OR10J1: variants seen among roughly 807,000 people sequenced by gnomAD.
The protein encoded by OR10J1 is olfactory receptor family 10 subfamily J member 1.
For synonymous variants in OR10J1, 202 were observed against 143.8 expected (o/e 1.40, Z -2.89); for missense variants, 474 against 376.6 (o/e 1.26, Z -2.14).
chr1:159,439,878 C>G lies in OR10J1; in HGVS notation c.87C>G (p.Gly29=), dbSNP rs116409990. ...ATGAGCAGCAGATCACCCTTTTTGG[C>G]GTGTTCCTTGCACTATACATCTTAA... ...SFHEQQITLF[G]VFLALYILTL... is the part of the protein sequence containing the mutation. The change falls in exon 1 of 1, where the codon GGC becomes GGG. Residue 29 remains glycine (G), a synonymous_variant. Coordinates refer to ENST00000423932, the MANE Select transcript of OR10J1 (RefSeq NM_012351.3). 1.9e-6 allele frequency: 3 copies of G among 1,614,024 alleles called. No individual in the cohort carries two copies. The highest frequency in any genetic ancestry group is 3.3e-5 in the Admixed American group (2 of 59,990).
At chr1:159,412,707 A>C in the OR10J1 span, among the ~76,000 whole-genome samples, 1 of 152,034 alleles carries the variant, frequency 6.6e-6, no homozygotes, top group Non-Finnish European at 1.5e-5. Flanking sequence ...TAAAGACTTA[A>C]ATGTTAGTCC....
chr1:159,426,008 T>G, the OR10J1 span, among the ~76,000 whole-genome samples: 20 of 151,996 alleles, frequency 1.3e-4, no homozygotes, highest in East Asian at 3.5e-3. Flanking sequence ...TTAGCAAAAA[T>G]AAAATTAAAC....
chr1:159,438,198 C>A (rs575290283), upstream of OR10J1, among the ~76,000 whole-genome samples: 2 of 152,320 alleles, frequency 1.3e-5, no homozygotes, highest in Non-Finnish European at 2.9e-5. Flanking sequence ...TTATAGACTT[C>A]CAAGAGTGGG....
At chr1:159,439,696 T>G (rs185494208), upstream of OR10J1, 578 of 1,469,218 alleles carry the variant, frequency 3.9e-4, 8 homozygotes, top group African/African-American at 6.8e-3. Flanking sequence ...AACTGAGAAC[T>G]ATTGAACTTC....
At chr1:159,401,985 G>C in the OR10J1 span, among the ~76,000 whole-genome samples, 1 of 151,828 alleles carries the variant, frequency 6.6e-6, no homozygotes, top group Admixed American at 6.6e-5. Context: ...AAAGAATATA[G>C]GACAAAACCA....
upstream of OR10J1, among the ~76,000 whole-genome samples, chr1:159,437,107 G>T (rs1466693303): frequency 6.6e-6 from 1 of 152,228 alleles, no homozygotes; most frequent in African/African-American, 2.4e-5. Context: ...AAAGTATTCA[G>T]TGAGAAGTAA....
Position 159,439,904 on chromosome 1 carries a change from C to T in OR10J1, c.113C>T (p.Thr38Ile). 6.2e-7 allele frequency: 1 copy of T among 1,614,152 alleles called. No homozygotes were observed. The highest frequency in any genetic ancestry group is 8.5e-7 in the Non-Finnish European group (1 of 1,180,018). Reference protein sequence around the residue: ...FGVFLALYILTLAGNIIIVTI... With the variant: ...FGVFLALYILILAGNIIIVTI... ...GTGTTCCTTGCACTATACATCTTAA[C>T]CTTAGCAGGCAATATCATCATTGTG... Residue 38 changes from threonine to isoleucine, a missense_variant, in exon 1 of 1, where the codon ACC becomes ATC. Thr to Ile is a moderately conservative substitution (Grantham distance 89). Coordinates refer to ENST00000423932, the MANE Select transcript of OR10J1 (RefSeq NM_012351.3).
At chr1:159,423,121 T>C in the OR10J1 span, among the ~76,000 whole-genome samples, 1 of 152,190 alleles carries the variant, frequency 6.6e-6, no homozygotes, top group Non-Finnish European at 1.5e-5. Context: ...AATACATTTT[T>C]TTTCTTTATA....
At chr1:159,413,528 T>C in the OR10J1 span, among the ~76,000 whole-genome samples, 10 of 152,288 alleles carry the variant, frequency 6.6e-5, no homozygotes, top group East Asian at 1.7e-3. Context: ...GATGAGTTCA[T>C]GTCCTTTGCA....
In OR10J1 at chr1:159,440,452, A is replaced by G; in HGVS notation, c.661A>G (p.Ile221Val). 3 of 1,614,070 alleles carry G rather than the reference A, an allele frequency of 1.9e-6. No individual in the cohort carries two copies. Among genetic ancestry groups the G allele is most frequent in the Non-Finnish European group, 2.5e-6 (3 of 1,180,006 alleles). The change falls in exon 1 of 1, where the codon ATC (isoleucine) becomes GTC (valine). Residue 221 changes from isoleucine (I) to valine (V), a missense_variant. Transcript: ENST00000423932. ...GLVFISYVLIISTILKIASVE... is the reference protein window; with the variant it reads ...GLVFISYVLIVSTILKIASVE... Reference sequence around the variant, plus strand: ...GGTTTTCATTTCTTATGTTCTCATTATCTCTACAATCCTCAAGATTGCTTC... The same window carrying G: ...GGTTTTCATTTCTTATGTTCTCATTGTCTCTACAATCCTCAAGATTGCTTC...
upstream of OR10J1, among the ~76,000 whole-genome samples, chr1:159,433,522 T>G (rs2101700972): frequency 6.6e-6 from 1 of 152,256 alleles, no homozygotes; most frequent in East Asian, 1.9e-4. Context: ...ACTTCATGAA[T>G]GACACAAAGG....
chr1:159,432,741 T>A, the OR10J1 span: 482 of 402,618 alleles, frequency 1.2e-3, 3 homozygotes, highest in Non-Finnish European at 2.5e-4. Flanking sequence ...CCACTTCTTT[T>A]GTGATATCCG....
the OR10J1 span, among the ~76,000 whole-genome samples, chr1:159,426,634 G>T: frequency 6.6e-6 from 1 of 151,622 alleles, no homozygotes. Flanking sequence ...GGTTTAGTAG[G>T]ACTTAAAAGA....
the OR10J1 span, among the ~76,000 whole-genome samples, chr1:159,401,829 T>C: frequency 6.6e-6 from 1 of 152,014 alleles, no homozygotes; most frequent in East Asian, 1.9e-4. Context: ...TTATGAATAT[T>C]GATGCATAAA....
chr1:159,412,855 A>C, the OR10J1 span, among the ~76,000 whole-genome samples: 1 of 151,754 alleles, frequency 6.6e-6, no homozygotes, highest in Non-Finnish European at 1.5e-5. Context: ...ATTAAACTAA[A>C]GAGCTTCTGC....
the OR10J1 span, among the ~76,000 whole-genome samples, chr1:159,411,895 T>C: frequency 8.6e-5 from 13 of 152,040 alleles, no homozygotes; most frequent in Admixed American, 2.6e-4. Flanking sequence ...GGAAGTCAAA[T>C]TGTCCCTGTT....
the OR10J1 span, among the ~76,000 whole-genome samples, chr1:159,426,179 A>C: frequency 6.6e-6 from 1 of 151,888 alleles, no homozygotes; most frequent in African/African-American, 2.4e-5. Flanking sequence ...AAAAAATATA[A>C]AATATGGTGT....
chr1:159,412,752 G>A, the OR10J1 span, among the ~76,000 whole-genome samples: 80,122 of 150,660 alleles, frequency 0.53, 24,726 homozygotes, highest in African/African-American at 0.85. Context: ...AAACCTAGGC[G>A]TTACCATTCA....
the OR10J1 span, among the ~76,000 whole-genome samples, chr1:159,400,145 C>A: frequency 6.6e-6 from 1 of 151,666 alleles, no homozygotes; most frequent in Non-Finnish European, 1.5e-5. Flanking sequence ...CTGGAAACAA[C>A]AAAATGGCAA....
Sources: allele counts gnomAD v4.1 joint callset (sites outside exome capture counted in the v4.1 genomes callset), GRCh38; gene constraint gnomAD v4.1.1; transcripts MANE v1.5; gene names NCBI Gene and HGNC (gene_info 2026-07-23, HGNC 2026-07-21).